DAB1: variants seen among roughly 807,000 people sequenced by gnomAD.
DAB1 encodes the protein disabled homolog 1.
A neutral mutation model predicts 64.6 loss-of-function variants in DAB1; 15 were observed. The ratio of observed to expected loss-of-function variants is 0.23; its 90% CI spans 0.16 to 0.36. The LOEUF (loss-of-function observed/expected upper bound fraction) is 0.36. DAB1 is among the 10% of genes least tolerant of loss of function. The probability of loss-of-function intolerance (pLI) is 1.00; values close to 1 mark genes in which losing one functional copy is unlikely to be tolerated. For missense variants in DAB1, 596 were observed against 706.7 expected, an observed-to-expected ratio of 0.84 and a Z score of 1.78; for synonymous variants, 235 against 251.9, an observed-to-expected ratio of 0.93 and a Z score of 0.64.
At chr1:57,309,302 T>A (rs996933206) in intron 1 of DAB1, among the ~76,000 whole-genome samples, 2 of 152,172 alleles carry the variant, frequency 1.3e-5, no homozygotes, top group African/African-American at 4.8e-5. Flanking sequence ...ACCACTGTGG[T>A]CCACTGAGCC....
chr1:58,523,815 T>C (rs1246366925), intron 2 of DAB1, among the ~76,000 whole-genome samples: 1 of 151,698 alleles, frequency 6.6e-6, no homozygotes, highest in South Asian at 2.1e-4. Context: ...AGGAGAATGG[T>C]GTGAAGCTGG....
intron 4 of DAB1, among the ~76,000 whole-genome samples, chr1:58,274,024 T>C (rs1285909129): frequency 8.5e-6 from 1 of 117,614 alleles, no homozygotes; most frequent in Non-Finnish European, 1.8e-5. Context: ...AAAGTCATTC[T>C]CCATCCAGCT....
At chr1:57,412,230 C>T (rs1380146140) in intron 1 of DAB1, among the ~76,000 whole-genome samples, 1 of 152,228 alleles carries the variant, frequency 6.6e-6, no homozygotes, top group Non-Finnish European at 1.5e-5. Context: ...TTTCCCCTTC[C>T]TCTGGCCTCC....
intron 3 of DAB1, among the ~76,000 whole-genome samples, chr1:58,453,754 C>A (rs1187189117): frequency 6.6e-6 from 1 of 152,120 alleles, no homozygotes; most frequent in Admixed American, 6.5e-5. Context: ...TGGAGGAAAA[C>A]CTCCCCCACC....
At chr1:58,065,879 A>G (rs1186047170) in intron 5 of DAB1, among the ~76,000 whole-genome samples, 1 of 152,124 alleles carries the variant, frequency 6.6e-6, no homozygotes, top group African/African-American at 2.4e-5. Flanking sequence ...CCACATCAAC[A>G]AGTTATTGGA....
chr1:58,253,625 A>T (rs1660855803), intron 4 of DAB1, among the ~76,000 whole-genome samples: 1 of 152,224 alleles, frequency 6.6e-6, no homozygotes, highest in Non-Finnish European at 1.5e-5. Flanking sequence ...TGATATTCAC[A>T]AGAATCCTTG....
intron 7 of DAB1, among the ~76,000 whole-genome samples, chr1:57,522,864 C>T (rs533899138): frequency 2.0e-5 from 3 of 152,346 alleles, no homozygotes; most frequent in African/African-American, 7.2e-5. Context: ...CGGCCTTCAT[C>T]TTTCTCTGGT....
At chr1:57,664,591 C>T (rs1646425273) in intron 6 of DAB1, among the ~76,000 whole-genome samples, 1 of 151,932 alleles carries the variant, frequency 6.6e-6, no homozygotes. Flanking sequence ...TTGCTTAAGC[C>T]TACTTTTAGG....
At chr1:57,671,527 T>C (rs918838593) in intron 6 of DAB1, among the ~76,000 whole-genome samples, 16 of 152,110 alleles carry the variant, frequency 1.1e-4, no homozygotes, top group Non-Finnish European at 1.5e-5. Context: ...GGGTCCCCAT[T>C]TAATGAAAAC....
At chr1:58,435,424 T>G (rs706427) in intron 3 of DAB1, among the ~76,000 whole-genome samples, 80,775 of 151,904 alleles carry the variant, frequency 0.53, 21,668 homozygotes, top group African/African-American at 0.56. Flanking sequence ...TCATATCTTA[T>G]GCATTATAGC....
At chr1:57,179,285 C>G (rs764081026) in intron 2 of DAB1, among the ~76,000 whole-genome samples, 1 of 152,116 alleles carries the variant, frequency 6.6e-6, no homozygotes, top group Admixed American at 6.5e-5. Context: ...GGCACAGCAG[C>G]GAGGTGAATG....
chr1:58,448,703 T>C, intron 3 of DAB1, among the ~76,000 whole-genome samples: 1 of 152,180 alleles, frequency 6.6e-6, no homozygotes, highest in Non-Finnish European at 1.5e-5. Context: ...GAGATGACTA[T>C]AACTAGGGAT....
chr1:57,364,878 G>GAA (rs1166530142), intron 1 of DAB1, among the ~76,000 whole-genome samples: 51 of 148,974 alleles, frequency 3.4e-4, no homozygotes, highest in Middle Eastern at 7.1e-3. Flanking sequence ...TATAGAGAGA[G>GAA]AAAGACCTTA....
chr1:57,200,019 G>C (rs993192611), intron 2 of DAB1, among the ~76,000 whole-genome samples: 2 of 152,152 alleles, frequency 1.3e-5, no homozygotes, highest in African/African-American at 4.8e-5. Context: ...TGGCCTCAGA[G>C]AACTAGGTGA....
chr1:57,258,856 G>A (rs896158431), intron 2 of DAB1, among the ~76,000 whole-genome samples: 2 of 152,070 alleles, frequency 1.3e-5, no homozygotes, highest in African/African-American at 4.8e-5. Flanking sequence ...GGGAGGCACA[G>A]GCTTGGTGAG....
chr1:57,725,687 T>G (rs578210549), intron 6 of DAB1, among the ~76,000 whole-genome samples: 1 of 152,278 alleles, frequency 6.6e-6, no homozygotes, highest in Admixed American at 6.5e-5. Flanking sequence ...AATAATATTA[T>G]TACCATTATG....
At chr1:58,469,497 T>C (rs1645333824) in intron 3 of DAB1, among the ~76,000 whole-genome samples, 1 of 152,136 alleles carries the variant, frequency 6.6e-6, no homozygotes, top group Non-Finnish European at 1.5e-5. Context: ...TCAAACTGAG[T>C]AATGTTAAAA....
chr1:58,481,464 C>T (rs938559179), intron 3 of DAB1, among the ~76,000 whole-genome samples: 3 of 152,018 alleles, frequency 2.0e-5, no homozygotes, highest in Admixed American at 6.6e-5. Context: ...CTTAGAGATA[C>T]ATCTATGGTT....
intron 2 of DAB1, among the ~76,000 whole-genome samples, chr1:57,172,564 A>G (rs927398555): frequency 5.3e-5 from 8 of 152,190 alleles, no homozygotes; most frequent in African/African-American, 1.9e-4. Context: ...ACTGAAGCAT[A>G]GACAGCATCT....
Sources: gnomAD v4.1 joint callset for allele counts (sites outside exome capture counted in the v4.1 genomes callset) on GRCh38, gnomAD v4.1.1 for gene constraint, MANE v1.5 for transcripts, NCBI Gene and HGNC (gene_info 2026-07-23, HGNC 2026-07-21) for gene names.